Variants in ENOPH1 observed in about 807,000 individuals in gnomAD.
ENOPH1 encodes enolase-phosphatase E1.
Under a neutral mutation model 31.1 loss-of-function variants are expected in ENOPH1, and 14 were observed. The observed-to-expected ratio is 0.45, with a 90% confidence interval of 0.30 to 0.70. The LOEUF (loss-of-function observed/expected upper bound fraction) is 0.70. Ranked by LOEUF, ENOPH1 falls within the 30% of genes least tolerant of loss-of-function variation. The probability of loss-of-function intolerance (pLI) is 0.09; values close to 1 mark genes in which losing one functional copy is unlikely to be tolerated. For synonymous variants in ENOPH1, 127 were observed against 123.2 expected, an observed-to-expected ratio of 1.03 and a Z score of -0.21; for missense variants, 243 against 321.5, an observed-to-expected ratio of 0.76 and a Z score of 1.87.
At chr4:82,458,190 G>A (rs1381661429) in intron 5 of ENOPH1, among the ~76,000 whole-genome samples, 4 of 152,136 alleles carry the variant, frequency 2.6e-5, no homozygotes, top group Non-Finnish European at 5.9e-5. Context: ...CACTGCTGAG[G>A]CAGAATGAAA....
At chr4:82,434,790 C>T (rs1029245079) in intron 1 of ENOPH1, among the ~76,000 whole-genome samples, 9 of 151,808 alleles carry the variant, frequency 5.9e-5, no homozygotes, top group Non-Finnish European at 5.9e-5. Flanking sequence ...ACCTGTAATC[C>T]CAGCTACTGG....
At chr4:82,445,697 C>T (rs547430594) in intron 1 of ENOPH1, among the ~76,000 whole-genome samples, 2 of 152,312 alleles carry the variant, frequency 1.3e-5, no homozygotes, top group Admixed American at 6.5e-5. Flanking sequence ...ACTGCCTTGG[C>T]CTCCCAAAAT....
chr4:82,458,137 C>G (rs558993936), intron 5 of ENOPH1, among the ~76,000 whole-genome samples: 1 of 152,156 alleles, frequency 6.6e-6, no homozygotes, highest in Non-Finnish European at 1.5e-5. Flanking sequence ...CCTGCTTGCT[C>G]TTTTCTCTCT....
intron 1 of ENOPH1, among the ~76,000 whole-genome samples, chr4:82,441,450 G>T (rs1045444062): frequency 6.6e-6 from 1 of 151,982 alleles, no homozygotes; most frequent in African/African-American, 2.4e-5. Flanking sequence ...GTGAAACCCC[G>T]TTTCTGCTAA....
At chr4:82,458,647 A>G (rs1478061840) in intron 5 of ENOPH1, among the ~76,000 whole-genome samples, 1 of 152,244 alleles carries the variant, frequency 6.6e-6, no homozygotes, top group African/African-American at 2.4e-5. Context: ...AAGCCTGAAT[A>G]TGGAACGGCC....
intron 5 of ENOPH1, among the ~76,000 whole-genome samples, chr4:82,457,678 G>A (rs1294877685): frequency 6.6e-6 from 1 of 152,226 alleles, no homozygotes; most frequent in Non-Finnish European, 1.5e-5. Context: ...GAGTTGTCAT[G>A]GGAAGGAGCA....
At chr4:82,437,431 T>C (rs554361357) in intron 1 of ENOPH1, among the ~76,000 whole-genome samples, 3 of 152,340 alleles carry the variant, frequency 2.0e-5, no homozygotes, top group African/African-American at 7.2e-5. Flanking sequence ...TCTTTACACT[T>C]TACATAGCTG....
chr4:82,430,734 G>A lies in ENOPH1; in HGVS notation c.-96G>A, dbSNP rs1250209469. 3 of 1,190,554 alleles carry A rather than the reference G, an allele frequency of 2.5e-6. No individual in the cohort carries two copies. The highest frequency in any genetic ancestry group is 4.0e-5 in the Admixed American group (2 of 49,588). The allele number at this position is 1,190,554 out of a possible 1,614,324, so 73.7% of individuals were successfully genotyped here. ...GGCTCCGAGATCGCGCGGGGCCGCC[G>A]GAAGCCCAAGACGGTACCGGGGGCC... On this transcript the variant is annotated 5_prime_UTR_variant, in exon 1 of 6. Transcript: ENST00000273920.
At chr4:82,449,912 A>AC (rs1313245934) in intron 2 of ENOPH1, among the ~76,000 whole-genome samples, 1 of 151,776 alleles carries the variant, frequency 6.6e-6, no homozygotes, top group East Asian at 1.9e-4. Context: ...TCTTCTCCCC[A>AC]CCAGTCATCA....
intron 4 of ENOPH1, among the ~76,000 whole-genome samples, chr4:82,455,560 C>T (rs1435374338): frequency 6.6e-6 from 1 of 151,918 alleles, no homozygotes; most frequent in Non-Finnish European, 1.5e-5. Context: ...GTGGGCGGAT[C>T]ACGAGGTCAG....
At chr4:82,440,502 T>C (rs1254615849) in intron 1 of ENOPH1, among the ~76,000 whole-genome samples, 1 of 152,190 alleles carries the variant, frequency 6.6e-6, no homozygotes, top group Non-Finnish European at 1.5e-5. Flanking sequence ...TCTTCCTCTA[T>C]GAAAGAAGGC....
At chr4:82,454,334 C>T (rs1378456767) in intron 3 of ENOPH1, among the ~76,000 whole-genome samples, 1 of 152,212 alleles carries the variant, frequency 6.6e-6, no homozygotes, top group African/African-American at 2.4e-5. Flanking sequence ...TCTTAAAGCA[C>T]AGTGGACATA....
rs905897037 is a variant in ENOPH1 at position 82,457,624 on chromosome 4, C to G, written c.646+586C>G. On this transcript the variant is annotated intron_variant, in intron 5 of 5. Transcript: ENST00000273920. ...TTTCCCAGCCATCGCTATGTACACA[C>G]ACACACACACTATGACACAGGAAAT... is the stretch of plus-strand genomic sequence containing the variant. 1.3e-5 allele frequency among the ~76,000 whole-genome samples: 2 copies of G among 152,204 alleles called. 1 individual carries two copies. The highest frequency in any genetic ancestry group is 2.9e-5 in the Non-Finnish European group (2 of 68,030).
At position 82,460,144 on chromosome 4, in the gene ENOPH1, C is replaced by A; in HGVS notation, c.*24C>A. The A allele has an allele frequency of 6.2e-7, 1 of 1,613,522 alleles. No homozygotes were observed. Among genetic ancestry groups the A allele is most frequent in the Non-Finnish European group, 8.5e-7 (1 of 1,179,576 alleles). Reference sequence around the variant, plus strand: ...AGAGAAGGGTTGTTAAGGCAGACCGCCCTGTTCCCCAGAGTTGTCCCTGTA... The same window carrying A: ...AGAGAAGGGTTGTTAAGGCAGACCGACCTGTTCCCCAGAGTTGTCCCTGTA... On this transcript the variant is annotated 3_prime_UTR_variant, in exon 6 of 6. Coordinates refer to ENST00000273920, the MANE Select transcript of ENOPH1 (RefSeq NM_021204.5).
intron 1 of ENOPH1, among the ~76,000 whole-genome samples, chr4:82,447,584 G>A (rs1722228790): frequency 6.6e-6 from 1 of 152,192 alleles, no homozygotes. Flanking sequence ...AGGCCCTATG[G>A]TCTTGGTTGC....
chr4:82,454,704 T>C lies in ENOPH1; in HGVS notation c.390-18T>C. ...GATGAGGTGTTCCTGTATTTTAACT[T>C]AGTGGTCTTCCCTCTAGGTTCTTTG... On this transcript the variant is annotated intron_variant, in intron 3 of 5. Coordinates refer to ENST00000273920, the MANE Select transcript of ENOPH1 (RefSeq NM_021204.5). The C allele has an allele frequency of 2.5e-6, 4 of 1,607,858 alleles. No homozygotes were observed. Among genetic ancestry groups the C allele is most frequent in the Non-Finnish European group, 2.5e-6 (3 of 1,178,502 alleles).
At chr4:82,433,447 G>A (rs1721828255) in intron 1 of ENOPH1, among the ~76,000 whole-genome samples, 2 of 152,154 alleles carry the variant, frequency 1.3e-5, no homozygotes, top group Non-Finnish European at 2.9e-5. Context: ...TAGGGATCTT[G>A]TTTAAAGGAT....
chr4:82,447,805 CAT>C, intron 1 of ENOPH1, 113 bp from the exon 2 acceptor site: 1 of 543,324 alleles, frequency 1.8e-6, no homozygotes, highest in Non-Finnish European at 3.1e-6. Context: ...CAGCAATTTT[CAT>C]AGAGTTCCAT....
chr4:82,451,808 A>G (rs1722359356), intron 3 of ENOPH1, among the ~76,000 whole-genome samples: 1 of 152,152 alleles, frequency 6.6e-6, no homozygotes, highest in Admixed American at 6.5e-5. Flanking sequence ...ATTGATTCAG[A>G]CAGGGTCCTA....
Sources: allele counts gnomAD v4.1 joint callset (sites outside exome capture counted in the v4.1 genomes callset), GRCh38; gene constraint gnomAD v4.1.1; transcripts MANE v1.5; gene names NCBI Gene and HGNC (gene_info 2026-07-23, HGNC 2026-07-21).